The following LINGO2 variants were observed in gnomAD, a reference collection of about 807,000 sequenced individuals.
LINGO2 encodes leucine rich repeat and Ig domain containing 2, also known as leucine-rich repeat and immunoglobulin-like domain-containing nogo receptor-interacting protein 2.
LINGO2 carries 14 observed loss-of-function variants against 30.6 expected under a neutral mutation model. That is an observed-to-expected ratio of 0.46 (90% CI 0.30 to 0.72). The LOEUF (loss-of-function observed/expected upper bound fraction) is 0.72, where lower values mean the gene tolerates loss of function less well. Among genes scored for constraint, LINGO2 ranks in the 30% least tolerant of loss-of-function variants. The pLI is 0.07. For missense variants in LINGO2, 729 were observed against 751.7 expected (o/e 0.97, Z 0.35); for synonymous variants, 317 against 288.5 (o/e 1.10, Z -1.00).
At chr9:28,515,275 C>A (rs765701663) in intron 1 of LINGO2, among the ~76,000 whole-genome samples, 1 of 146,552 alleles carries the variant, frequency 6.8e-6, no homozygotes, top group East Asian at 2.0e-4. Flanking sequence ...GGTGCAATCT[C>A]GGCTCACTGC....
chr9:28,600,677 A>C (rs1025590023), intron 1 of LINGO2, among the ~76,000 whole-genome samples: 8 of 152,086 alleles, frequency 5.3e-5, no homozygotes, highest in Admixed American at 1.3e-4. Flanking sequence ...AGCTGTCTGG[A>C]GTTGTTTTCA....
chr9:28,736,998 G>A, the LINGO2 span, among the ~76,000 whole-genome samples: 5 of 152,094 alleles, frequency 3.3e-5, no homozygotes, highest in Non-Finnish European at 7.4e-5. Context: ...GCCTTGGGTA[G>A]TAGAAGGCAT....
intron 4 of LINGO2, among the ~76,000 whole-genome samples, chr9:28,109,584 A>T (rs1426707128): frequency 2.0e-5 from 3 of 152,182 alleles, no homozygotes; most frequent in Non-Finnish European, 4.4e-5. Context: ...AATCACAAGC[A>T]TTCCTATACA....
chr9:28,734,468 T>C, the LINGO2 span, among the ~76,000 whole-genome samples: 5 of 152,150 alleles, frequency 3.3e-5, no homozygotes, highest in African/African-American at 9.7e-5. Flanking sequence ...GGTGAAACTG[T>C]AGGTAAGTAG....
At chr9:27,947,808 A>G (rs1823426003), downstream of LINGO2, among the ~76,000 whole-genome samples, 1 of 152,200 alleles carries the variant, frequency 6.6e-6, no homozygotes, top group African/African-American at 2.4e-5. Context: ...AGAGCTTTTG[A>G]ACATCTGAAT....
chr9:28,268,353 C>T (rs939037700), intron 4 of LINGO2, among the ~76,000 whole-genome samples: 1 of 151,986 alleles, frequency 6.6e-6, no homozygotes, highest in Non-Finnish European at 1.5e-5. Flanking sequence ...AATAGAAAAG[C>T]TTATAAGGCA....
rs1819613881 is a variant in LINGO2, at chr9:28,188,257, G to C, written c.-87+106951C>G. ...TTCTGAGTGAATGAACATTACCTTG[G>C]ACTACCTGTTTCTCTCATAGTCCAC... On this transcript the variant is annotated intron_variant, in intron 4 of 5. Transcript: ENST00000379992. 2.0e-5 allele frequency among the ~76,000 whole-genome samples: 3 copies of C among 149,404 alleles called. No homozygotes were observed. The South Asian group carries it at 6.5e-4, about 32-fold the overall frequency.
intron 1 of LINGO2, among the ~76,000 whole-genome samples, chr9:28,496,259 G>A (rs1465831186): frequency 6.6e-6 from 1 of 152,052 alleles, no homozygotes; most frequent in East Asian, 1.9e-4. Flanking sequence ...TGACAGTGGG[G>A]TGTTAAAGTC....
chr9:29,019,941 G>C, the LINGO2 span, among the ~76,000 whole-genome samples: 1 of 151,946 alleles, frequency 6.6e-6, no homozygotes, highest in South Asian at 2.1e-4. Flanking sequence ...GGATTTGCTG[G>C]GATGATAAAA....
chr9:28,888,074 A>G, the LINGO2 span, among the ~76,000 whole-genome samples: 1 of 152,124 alleles, frequency 6.6e-6, no homozygotes, highest in Non-Finnish European at 1.5e-5. Flanking sequence ...ATTTAACACA[A>G]ATATAACCTT....
the LINGO2 span, among the ~76,000 whole-genome samples, chr9:28,894,464 T>G: frequency 1.3e-5 from 2 of 151,806 alleles, no homozygotes; most frequent in East Asian, 1.9e-4. Flanking sequence ...ATGTCAATTA[T>G]TTCTCTTATG....
chr9:28,875,879 T>C, the LINGO2 span, among the ~76,000 whole-genome samples: 1 of 152,158 alleles, frequency 6.6e-6, no homozygotes, highest in Non-Finnish European at 1.5e-5. Flanking sequence ...TAATGCTTAA[T>C]ACATTTATGT....
At chr9:29,198,187 G>T in the LINGO2 span, among the ~76,000 whole-genome samples, 1 of 152,038 alleles carries the variant, frequency 6.6e-6, no homozygotes, top group South Asian at 2.1e-4. Flanking sequence ...GTTAAAAGGA[G>T]GCATTTTCTG....
At chr9:28,301,140 G>C (rs955334674) in intron 3 of LINGO2, among the ~76,000 whole-genome samples, 3 of 152,152 alleles carry the variant, frequency 2.0e-5, no homozygotes, top group Admixed American at 1.3e-4. Context: ...AGGAGCCAGA[G>C]AGCCACAAAT....
the LINGO2 span, among the ~76,000 whole-genome samples, chr9:28,755,720 C>G: frequency 6.6e-6 from 1 of 152,034 alleles, no homozygotes; most frequent in African/African-American, 2.4e-5. Context: ...AGTTTAAGAT[C>G]TACAGATCGT....
chr9:28,897,563 G>A, the LINGO2 span, among the ~76,000 whole-genome samples: 10 of 152,018 alleles, frequency 6.6e-5, no homozygotes, highest in African/African-American at 2.4e-4. Flanking sequence ...TACCAGTAAG[G>A]ACTGGTAAAA....
chr9:29,197,218 C>T, the LINGO2 span, among the ~76,000 whole-genome samples: 1 of 151,988 alleles, frequency 6.6e-6, no homozygotes, highest in Non-Finnish European at 1.5e-5. Flanking sequence ...CTTTGGAAGA[C>T]AGTAACTTAC....
At chr9:28,521,083 A>T (rs895664355) in intron 1 of LINGO2, among the ~76,000 whole-genome samples, 12 of 152,170 alleles carry the variant, frequency 7.9e-5, no homozygotes, top group African/African-American at 2.9e-4. Flanking sequence ...GGCCCAGTAG[A>T]GCCTAAAATT....
At chr9:28,145,669 C>T (rs1827793195) in intron 4 of LINGO2, among the ~76,000 whole-genome samples, 1 of 151,924 alleles carries the variant, frequency 6.6e-6, no homozygotes, top group Non-Finnish European at 1.5e-5. Flanking sequence ...TCTCTTCCTC[C>T]CTCCTTCTCC....
Sources: allele counts gnomAD v4.1 joint callset (sites outside exome capture counted in the v4.1 genomes callset), GRCh38; gene constraint gnomAD v4.1.1; transcripts MANE v1.5; gene names NCBI Gene and HGNC (gene_info 2026-07-23, HGNC 2026-07-21).